Variants in MYO3B observed in about 807,000 individuals in gnomAD.
MYO3B encodes the protein myosin IIIB.
In MYO3B, 156 loss-of-function variants were observed where a neutral mutation model predicts 174.6. That is an observed-to-expected ratio of 0.89 (90% confidence interval 0.78 to 1.02). The LOEUF is 1.02. MYO3B is among the 50% of genes least tolerant of loss of function. The pLI, the probability that MYO3B is intolerant of heterozygous loss-of-function variation, is 0.00. For synonymous variants in MYO3B, 563 were observed against 569.1 expected (o/e 0.99, Z 0.15); for missense variants, 1,632 against 1,639.4 (o/e 1.00, Z 0.08).
intron 32 of MYO3B, among the ~76,000 whole-genome samples, chr2:170,580,801 T>A (rs1575195314): frequency 6.6e-6 from 1 of 151,834 alleles, no homozygotes. Flanking sequence ...TTTGTATAAA[T>A]GCAGAATATA....
chr2:170,346,635 C>T (rs2094018491), intron 8 of MYO3B, among the ~76,000 whole-genome samples: 1 of 152,142 alleles, frequency 6.6e-6, no homozygotes, highest in Admixed American at 6.6e-5. Context: ...AATTCCTCCT[C>T]CTCAACCAAC....
At chr2:170,530,415 C>T (rs143412351) in intron 30 of MYO3B, among the ~76,000 whole-genome samples, 5 of 152,320 alleles carry the variant, frequency 3.3e-5, no homozygotes, top group Non-Finnish European at 7.4e-5. Flanking sequence ...TCCTGGCCAG[C>T]TCCCAGGACT....
At chr2:170,525,766 C>T (rs993306293) in intron 30 of MYO3B, among the ~76,000 whole-genome samples, 3 of 152,192 alleles carry the variant, frequency 2.0e-5, no homozygotes, top group Non-Finnish European at 4.4e-5. Flanking sequence ...ATTGATGAGC[C>T]AGAGAAACAG....
intron 22 of MYO3B, among the ~76,000 whole-genome samples, chr2:170,414,180 C>T (rs1328040410): frequency 6.6e-6 from 1 of 152,104 alleles, no homozygotes; most frequent in East Asian, 1.9e-4. Context: ...CACACTATTG[C>T]AGATTCATAG....
At chr2:170,350,271 T>G (rs2094054720) in intron 8 of MYO3B, 1 of 151,112 alleles carries the variant, frequency 6.6e-6, no homozygotes, top group African/African-American at 2.5e-5. Context: ...AAACCGAAAT[T>G]TTAACTGTAA....
At chr2:170,648,801 ACATAT>A (rs1421905639) in intron 32 of MYO3B, among the ~76,000 whole-genome samples, 3 of 109,542 alleles carry the variant, frequency 2.7e-5, no homozygotes, top group African/African-American at 1.1e-4. Flanking sequence ...TCTATATAAT[ACATAT>A]TATATATTAT....
At chr2:170,263,738 C>T (rs1207564046) in intron 7 of MYO3B, among the ~76,000 whole-genome samples, 1 of 152,016 alleles carries the variant, frequency 6.6e-6, no homozygotes, top group Non-Finnish European at 1.5e-5. Context: ...CATTCCATTG[C>T]TCAGGAACAA....
At chr2:170,353,431 A>C (rs1218259997) in intron 8 of MYO3B, among the ~76,000 whole-genome samples, 1 of 152,236 alleles carries the variant, frequency 6.6e-6, no homozygotes, top group African/African-American at 2.4e-5. Context: ...GAACAGGTGG[A>C]ACCCACAGGA....
intron 25 of MYO3B, among the ~76,000 whole-genome samples, chr2:170,478,924 A>T (rs1453806939): frequency 7.1e-6 from 1 of 141,578 alleles, no homozygotes; most frequent in African/African-American, 2.6e-5. Flanking sequence ...ACACACACAC[A>T]CTAAACCTAT....
intron 22 of MYO3B, among the ~76,000 whole-genome samples, chr2:170,434,294 G>A (rs950068217): frequency 2.0e-5 from 3 of 152,048 alleles, no homozygotes; most frequent in African/African-American, 4.8e-5. Flanking sequence ...GGCTCAACTT[G>A]TTATATATAA....
chr2:170,544,386 G>A (rs1034609877), intron 32 of MYO3B, among the ~76,000 whole-genome samples: 6 of 152,202 alleles, frequency 3.9e-5, no homozygotes, highest in African/African-American at 1.4e-4. Context: ...GCCATTCTTT[G>A]AGCAAGTAGA....
At chr2:170,538,649 C>A (rs1689880820) in intron 30 of MYO3B, among the ~76,000 whole-genome samples, 1 of 152,124 alleles carries the variant, frequency 6.6e-6, no homozygotes, top group South Asian at 2.1e-4. Flanking sequence ...TGTCTGGGGG[C>A]TTTTTCAGGA....
intron 1 of MYO3B, among the ~76,000 whole-genome samples, chr2:170,178,789 G>A (rs981037929): frequency 6.6e-6 from 1 of 152,184 alleles, no homozygotes; most frequent in Non-Finnish European, 1.5e-5. Context: ...ATTTCCTCAT[G>A]CTTTGGTGGG....
intron 32 of MYO3B, among the ~76,000 whole-genome samples, chr2:170,618,082 TGA>T (rs1334331055): frequency 2.6e-5 from 4 of 152,176 alleles, no homozygotes; most frequent in African/African-American, 9.7e-5. Flanking sequence ...GAATATCTAA[TGA>T]GAGACATACA....
In MYO3B at chr2:170,499,656, A is replaced by G. The variant is rs1397520075; in HGVS notation, c.3137A>G (p.Lys1046Arg). 1.9e-6 allele frequency: 3 copies of G among 1,613,914 alleles called. No individual in the cohort carries two copies. The highest frequency in any genetic ancestry group is 3.3e-5 in the Admixed American group (2 of 60,000). ...ACTGTCTCGTTTCAGGTTTTTCTCA[A>G]ATATTACCATGTTGAGCAATTAAAT... is the stretch of plus-strand genomic sequence containing the variant. ...WVLGKTKVFL[K>R]YYHVEQLNLL... Residue 1046 changes from lysine (K) to arginine (R), a missense_variant, in exon 27 of 35, where the codon AAA becomes AGA. Coordinates refer to ENST00000408978, the MANE Select transcript of MYO3B (RefSeq NM_138995.5).
chr2:170,390,262 C>G (rs1213221009), intron 14 of MYO3B, among the ~76,000 whole-genome samples: 2 of 152,106 alleles, frequency 1.3e-5, no homozygotes, highest in Non-Finnish European at 2.9e-5. Flanking sequence ...GACTCTGTCT[C>G]TACAAACACA....
chr2:170,569,916 T>C (rs937038676), intron 32 of MYO3B, among the ~76,000 whole-genome samples: 2 of 151,846 alleles, frequency 1.3e-5, no homozygotes, highest in Non-Finnish European at 2.9e-5. Context: ...CGTTTTGCTC[T>C]TCTATTCCCT....
intron 3 of MYO3B, among the ~76,000 whole-genome samples, chr2:170,211,607 G>C (rs572279530): frequency 8.5e-5 from 13 of 152,314 alleles, no homozygotes; most frequent in Admixed American, 2.0e-4. Context: ...AAGGCTAAGC[G>C]TTGTTCATGG....
At chr2:170,647,069 A>G in intron 32 of MYO3B, 1 of 389,544 alleles carries the variant, frequency 2.6e-6, no homozygotes, top group Non-Finnish European at 4.8e-6. Context: ...GTCTTCTTAT[A>G]CAGCTGAGAT....
Sources: gnomAD v4.1 joint callset for allele counts (sites outside exome capture counted in the v4.1 genomes callset) on GRCh38, gnomAD v4.1.1 for gene constraint, MANE v1.5 for transcripts, NCBI Gene and HGNC (gene_info 2026-07-23, HGNC 2026-07-21) for gene names.